The following NRG2 variants were observed in gnomAD, a reference collection of about 807,000 sequenced individuals.
NRG2 encodes the protein pro-neuregulin-2, membrane-bound isoform.
A neutral mutation model predicts 73.9 loss-of-function variants in NRG2; 27 were observed. The ratio of observed to expected loss-of-function variants is 0.37; its 90% CI spans 0.27 to 0.50. The LOEUF is 0.50. Among genes scored for constraint, NRG2 ranks in the 20% least tolerant of loss-of-function variants. NRG2 has a pLI of 0.96. For missense variants in NRG2, 1,126 were observed against 1,210.1 expected (o/e 0.93, Z 1.03); for synonymous variants, 532 against 541.0 (o/e 0.98, Z 0.23).
intron 1 of NRG2, among the ~76,000 whole-genome samples, chr5:139,951,600 T>C (rs1396364776): frequency 6.6e-6 from 1 of 151,550 alleles, no homozygotes; most frequent in Non-Finnish European, 1.5e-5. Flanking sequence ...GAGGTTTCTC[T>C]GTCCCACAGC....
intron 4 of NRG2, among the ~76,000 whole-genome samples, chr5:139,866,139 G>A (rs1762453780): frequency 6.6e-6 from 1 of 152,174 alleles, no homozygotes. Flanking sequence ...CGGGAATGCT[G>A]TTCCCAGACT....
chr5:139,867,005 C>T (rs1762508994), intron 4 of NRG2, among the ~76,000 whole-genome samples: 1 of 152,178 alleles, frequency 6.6e-6, no homozygotes, highest in South Asian at 2.1e-4. Flanking sequence ...AGGAAATTAG[C>T]TAAGTTCATC....
At chr5:139,968,771 AGCTCCATCACCCG>A (rs1426774529) in intron 1 of NRG2, among the ~76,000 whole-genome samples, 1 of 152,238 alleles carries the variant, frequency 6.6e-6, no homozygotes, top group Non-Finnish European at 1.5e-5. Context: ...GCAAGAACCC[AGCTCCATCACCCG>A]CACAGGGCAG....
In NRG2 at chr5:139,954,098, G is replaced by A. The variant is rs1754436836; in HGVS notation, c.701-66587C>T. Among the ~76,000 whole-genome samples the A allele has an allele frequency of 6.6e-6, 1 of 152,174 alleles. No individual in the cohort carries two copies. The highest frequency in any genetic ancestry group is 1.5e-5 in the Non-Finnish European group (1 of 68,034). On this transcript the variant is annotated intron_variant, in intron 1 of 9. Coordinates refer to ENST00000361474, the MANE Select transcript of NRG2 (RefSeq NM_004883.3). The surrounding 1 kb of genome is among the most constrained non-coding windows in gnomAD (Gnocchi z 5.0). ...CTGAAAAAAAGAGACCCAGGGAGGG[G>A]TGGGGGACACAGAGCAAGCATGAGG...
At chr5:139,918,181 G>A (rs576787124) in intron 1 of NRG2, among the ~76,000 whole-genome samples, 20 of 152,246 alleles carry the variant, frequency 1.3e-4, no homozygotes, top group African/African-American at 4.8e-4. Flanking sequence ...ATTCTTATGT[G>A]GATGGATTGC....
rs529477314 is a variant in NRG2 at position 139,869,746 on chromosome 5, C to T, written c.1112+1975G>A. Reference sequence around the variant, plus strand: ...GGTGGGAAAGGGAACAGGGCACCATCTTCACAATGGCTCAGGCTCCTGCCT... The same window carrying T: ...GGTGGGAAAGGGAACAGGGCACCATTTTCACAATGGCTCAGGCTCCTGCCT... On this transcript the variant is annotated intron_variant, in intron 4 of 9. Coordinates refer to ENST00000361474, the MANE Select transcript of NRG2 (RefSeq NM_004883.3). This position sits in a 1 kb window ranked among gnomAD's most constrained non-coding sequence, Gnocchi z 4.5. The T allele has an allele frequency of 3.9e-5, 6 of 152,430 alleles. No individual in the cohort carries two copies. The highest frequency in any genetic ancestry group is 1.4e-4 in the African/African-American group (6 of 41,590). The allele number at this position is 152,430 out of a possible 1,614,324, so 9.4% of individuals were successfully genotyped here. A position where few individuals can be genotyped will look rare whatever the true frequency, so the allele number is the denominator to read the frequency against.
chr5:139,898,356 G>T (rs1338090833), intron 1 of NRG2, among the ~76,000 whole-genome samples: 3 of 152,238 alleles, frequency 2.0e-5, no homozygotes. Flanking sequence ...GTTTAGGGGA[G>T]CAGGTTGCTG....
chr5:140,040,382 A>G lies in NRG2; in HGVS notation c.700+1988T>C, dbSNP rs144687769. Reference sequence around the variant, plus strand: ...ATAATATGAGATGATCATAACCTAGAAACAGACCATATTTCTGCCCCTCAA... The same window carrying G: ...ATAATATGAGATGATCATAACCTAGGAACAGACCATATTTCTGCCCCTCAA... On this transcript the variant is annotated intron_variant, in intron 1 of 9. Transcript: ENST00000361474. Among the ~76,000 whole-genome samples, 419 of 152,322 alleles carry G rather than the reference A, an allele frequency of 2.8e-3. 2 individuals carry two copies. Among genetic ancestry groups the G allele is most frequent in the South Asian group, 0.018 (85 of 4,824 alleles).
chr5:139,924,874 C>T (rs1001583408), intron 1 of NRG2, among the ~76,000 whole-genome samples: 9 of 152,132 alleles, frequency 5.9e-5, no homozygotes, highest in Non-Finnish European at 1.2e-4. Flanking sequence ...ATCTGAGGAA[C>T]GCAAAGGCAT....
intron 1 of NRG2, among the ~76,000 whole-genome samples, chr5:139,977,343 G>C (rs1756453822): frequency 6.6e-6 from 1 of 152,136 alleles, no homozygotes; most frequent in African/African-American, 2.4e-5. Flanking sequence ...ATGTCCCTAA[G>C]AATCCAGAAA....
chr5:139,870,630 G>A lies in NRG2; in HGVS notation c.1112+1091C>T, dbSNP rs1469635968. Reference sequence around the variant, plus strand: ...TCAATGTTTTGGTGGCCTTTGCCCAGATGCCATGGGAATGGGGCAGCTTTA... The same window carrying A: ...TCAATGTTTTGGTGGCCTTTGCCCAAATGCCATGGGAATGGGGCAGCTTTA... On this transcript the variant is annotated intron_variant, in intron 4 of 9. Transcript: ENST00000361474. The surrounding 1 kb of genome is among the most constrained non-coding windows in gnomAD (Gnocchi z 4.4). Among the ~76,000 whole-genome samples the A allele has an allele frequency of 6.6e-6, 1 of 152,188 alleles. No homozygotes were observed. Among genetic ancestry groups the A allele is most frequent in the African/African-American group, 2.4e-5 (1 of 41,432 alleles).
intron 5 of NRG2, chr5:139,861,660 G>T: frequency 4.1e-6 from 2 of 483,116 alleles, no homozygotes; most frequent in Admixed American, 2.1e-5. Context: ...CTGCTTGGAG[G>T]CAGGAAAAAG....
intron 1 of NRG2, among the ~76,000 whole-genome samples, chr5:139,901,779 CT>C (rs1291788560): frequency 6.6e-6 from 1 of 152,174 alleles, no homozygotes. Context: ...GCAGAGGAGA[CT>C]TTTTTTAAAT....
intron 1 of NRG2, among the ~76,000 whole-genome samples, chr5:139,935,455 A>G (rs774544553): frequency 7.2e-5 from 11 of 152,372 alleles, no homozygotes; most frequent in Non-Finnish European, 1.5e-4. Flanking sequence ...ATTAGACCAC[A>G]TTCTGGGCCA....
chr5:139,960,658 C>G (rs1754990955), intron 1 of NRG2, among the ~76,000 whole-genome samples: 1 of 152,214 alleles, frequency 6.6e-6, no homozygotes, highest in Non-Finnish European at 1.5e-5. Context: ...AATATAGCAC[C>G]TGCATCCTCT....
chr5:139,859,903 CCAAGGT>C, intron 5 of NRG2: 1 of 1,611,484 alleles, frequency 6.2e-7, no homozygotes, highest in Non-Finnish European at 8.5e-7. Flanking sequence ...TAATTCAAAT[CCAAGGT>C]GCTCTGGCAG....
At chr5:140,005,126 A>G (rs1758788205) in intron 1 of NRG2, among the ~76,000 whole-genome samples, 1 of 152,170 alleles carries the variant, frequency 6.6e-6, no homozygotes, top group Admixed American at 6.5e-5. Context: ...TCCCCTAAAA[A>G]ATGTCTATTA....
intron 1 of NRG2, among the ~76,000 whole-genome samples, chr5:139,975,125 G>A (rs997584757): frequency 3.3e-5 from 5 of 152,142 alleles, no homozygotes; most frequent in African/African-American, 1.2e-4. Flanking sequence ...ATAATATCGC[G>A]ATGTCCCTGT....
chr5:139,993,664 T>C (rs958974250), intron 1 of NRG2, among the ~76,000 whole-genome samples: 16 of 152,246 alleles, frequency 1.1e-4, no homozygotes, highest in African/African-American at 3.6e-4. Flanking sequence ...GTCTTGTTCA[T>C]TGCTTTATTT....
Sources: gnomAD v4.1 joint callset for allele counts (sites outside exome capture counted in the v4.1 genomes callset) on GRCh38, gnomAD v4.1.1 for gene constraint, Gnocchi (gnomAD v3.1) non-coding constraint, MANE v1.5 for transcripts, NCBI Gene and HGNC (gene_info 2026-07-23, HGNC 2026-07-21) for gene names.